CCDC91: variants seen among roughly 807,000 people sequenced by gnomAD.
CCDC91 encodes the protein coiled-coil domain-containing protein 91.
CCDC91 carries 48 observed loss-of-function variants against 63.2 expected under a neutral mutation model. The observed-to-expected ratio is 0.76, with a 90% confidence interval of 0.60 to 0.97. CCDC91 has a LOEUF of 0.97. Ranked by LOEUF, CCDC91 falls within the 50% of genes least tolerant of loss-of-function variation. The pLI is 0.00. For synonymous variants in CCDC91, 167 were observed against 165.8 expected (o/e 1.01, Z -0.06); for missense variants, 500 against 494.6 (o/e 1.01, Z -0.10).
intron 1 of CCDC91, among the ~76,000 whole-genome samples, chr12:28,228,090 A>G (rs539623337): frequency 6.6e-5 from 10 of 152,084 alleles, no homozygotes; most frequent in Non-Finnish European, 1.0e-4. Context: ...CTAGCCACCT[A>G]TCTAGTAACT....
intron 7 of CCDC91, among the ~76,000 whole-genome samples, chr12:28,369,439 C>A (rs960135923): frequency 6.6e-6 from 1 of 152,216 alleles, no homozygotes; most frequent in Admixed American, 6.5e-5. Flanking sequence ...GAGCAGCTCT[C>A]CCCCTGAGGC....
chr12:28,518,756 T>G (rs545778234), intron 12 of CCDC91, among the ~76,000 whole-genome samples: 20 of 152,124 alleles, frequency 1.3e-4, no homozygotes, highest in African/African-American at 4.6e-4. Flanking sequence ...CTTTTTCCAA[T>G]GTTATCTTCT....
intron 3 of CCDC91, among the ~76,000 whole-genome samples, chr12:28,291,871 A>C (rs905782243): frequency 6.6e-6 from 1 of 152,172 alleles, no homozygotes; most frequent in Non-Finnish European, 1.5e-5. Context: ...ATAGTTGATC[A>C]GCCTTGATGA....
At chr12:28,356,571 C>G (rs1943541502) in intron 6 of CCDC91, among the ~76,000 whole-genome samples, 1 of 152,128 alleles carries the variant, frequency 6.6e-6, no homozygotes, top group Admixed American at 6.5e-5. Context: ...GTGTTTGTGT[C>G]TGCCTTCTCC....
chr12:28,219,767 C>T (rs1943812889), intron 1 of CCDC91, among the ~76,000 whole-genome samples: 1 of 152,068 alleles, frequency 6.6e-6, no homozygotes, highest in African/African-American at 2.4e-5. Flanking sequence ...GCCACTGCGC[C>T]CGGCCCCCAT....
At chr12:28,494,193 C>T (rs182218140) in intron 12 of CCDC91, among the ~76,000 whole-genome samples, 21 of 151,756 alleles carry the variant, frequency 1.4e-4, no homozygotes, top group Non-Finnish European at 2.2e-4. Flanking sequence ...AAACTGCTAA[C>T]GGTTCTAACA....
intron 1 of CCDC91, among the ~76,000 whole-genome samples, chr12:28,194,739 T>A (rs961951223): frequency 6.7e-6 from 1 of 149,916 alleles, no homozygotes; most frequent in African/African-American, 2.5e-5. Context: ...GTGTCCTGAG[T>A]TGTTTGTTCC....
intron 12 of CCDC91, among the ~76,000 whole-genome samples, chr12:28,522,316 G>T (rs542902748): frequency 2.0e-5 from 3 of 151,962 alleles, no homozygotes; most frequent in Non-Finnish European, 2.9e-5. Context: ...TGTATGTGTC[G>T]AGGAATTTAT....
At chr12:28,411,239 A>C (rs1388491628) in intron 8 of CCDC91, among the ~76,000 whole-genome samples, 1 of 151,230 alleles carries the variant, frequency 6.6e-6, no homozygotes, top group East Asian at 2.0e-4. Flanking sequence ...TTCTTTTTGA[A>C]AAAAAAAAGT....
At chr12:28,509,564 G>C (rs1031537611) in intron 12 of CCDC91, among the ~76,000 whole-genome samples, 1 of 151,358 alleles carries the variant, frequency 6.6e-6, no homozygotes, top group African/African-American at 2.4e-5. Context: ...TGACTTAAAG[G>C]GTTTTATTTA....
chr12:28,207,404 C>T (rs2135469138), intron 1 of CCDC91, among the ~76,000 whole-genome samples: 1 of 152,280 alleles, frequency 6.6e-6, no homozygotes, highest in Middle Eastern at 3.4e-3. Context: ...GGCAGTCTTT[C>T]TCTGATGTTC....
intron 10 of CCDC91, 126 bp from the exon 11 acceptor site, chr12:28,452,348 TAAAA>T: frequency 1.9e-6 from 1 of 520,966 alleles, no homozygotes; most frequent in Non-Finnish European, 3.4e-6. Context: ...TTACTATGCA[TAAAA>T]ACAGCAATGT....
intron 3 of CCDC91, among the ~76,000 whole-genome samples, chr12:28,275,598 G>T (rs1334338578): frequency 6.6e-6 from 1 of 151,974 alleles, no homozygotes; most frequent in African/African-American, 2.4e-5. Flanking sequence ...AGAAAACGAG[G>T]GAATCCTCCC....
chr12:28,304,254 G>A (rs1938401475), intron 3 of CCDC91, among the ~76,000 whole-genome samples: 1 of 151,368 alleles, frequency 6.6e-6, no homozygotes, highest in African/African-American at 2.4e-5. Flanking sequence ...GCGAGTGCCT[G>A]TAATCCCAGC....
intron 1 of CCDC91, among the ~76,000 whole-genome samples, chr12:28,221,361 A>G (rs1459372575): frequency 1.3e-5 from 2 of 151,224 alleles, no homozygotes; most frequent in Admixed American, 1.3e-4. Context: ...CATCTCTCTC[A>G]TTTCTGTGTC....
At chr12:28,517,298 G>A (rs1940058891) in intron 12 of CCDC91, among the ~76,000 whole-genome samples, 1 of 151,968 alleles carries the variant, frequency 6.6e-6, no homozygotes. Flanking sequence ...AAACAAGAAT[G>A]TGGTGGGCAA....
intron 12 of CCDC91, chr12:28,505,547 A>C (rs1938597297): frequency 1.3e-5 from 2 of 151,874 alleles, no homozygotes; most frequent in South Asian, 4.1e-4. Context: ...CAAAACCCAA[A>C]GTGATTATTC....
At chr12:28,229,182 TTGC>T (rs907280506) in intron 1 of CCDC91, among the ~76,000 whole-genome samples, 6 of 151,934 alleles carry the variant, frequency 3.9e-5, no homozygotes, top group Admixed American at 2.0e-4. Flanking sequence ...ACTTTTTTCA[TTGC>T]TGCTGCTGCT....
At chr12:28,255,970 T>G (rs1946416344) in intron 1 of CCDC91, 1 of 152,132 alleles carries the variant, frequency 6.6e-6, no homozygotes, top group Non-Finnish European at 1.5e-5. Flanking sequence ...GTTTAACATA[T>G]AGTTTAATAT....
Sources: gnomAD v4.1 joint callset for allele counts (sites outside exome capture counted in the v4.1 genomes callset) on GRCh38, gnomAD v4.1.1 for gene constraint, MANE v1.5 for transcripts, NCBI Gene and HGNC (gene_info 2026-07-23, HGNC 2026-07-21) for gene names.